The following MOBP variants were observed in gnomAD, a reference collection of about 807,000 sequenced individuals.
The protein encoded by MOBP is myelin-associated oligodendrocyte basic protein.
Under a neutral mutation model 15.0 loss-of-function variants are expected in MOBP, and 5 were observed. The ratio of observed to expected loss-of-function variants is 0.33; its 90% CI spans 0.17 to 0.70. MOBP has a LOEUF of 0.70. MOBP is among the 30% of genes least tolerant of loss of function. MOBP has a pLI of 0.67. For missense variants in MOBP, 188 were observed against 257.8 expected, an observed-to-expected ratio of 0.73 and a Z score of 1.85; for synonymous variants, 88 against 99.0, an observed-to-expected ratio of 0.89 and a Z score of 0.66.
intron 1 of MOBP, among the ~76,000 whole-genome samples, chr3:39,478,362 GCTATACCATATAGT>G (rs992822288): frequency 5.9e-5 from 9 of 152,146 alleles, no homozygotes; most frequent in African/African-American, 1.9e-4. Context: ...GGAGCAATAG[GCTATACCATATAGT>G]CTAGGTGTGT....
chr3:39,496,255 G>C (rs2042879866), intron 2 of MOBP, among the ~76,000 whole-genome samples: 1 of 150,268 alleles, frequency 6.7e-6, no homozygotes, highest in Non-Finnish European at 1.5e-5. Flanking sequence ...CTGGAGTGCA[G>C]TGGCCCGATC....
chr3:39,486,172 G>C (rs2042705364), intron 2 of MOBP, among the ~76,000 whole-genome samples: 1 of 152,186 alleles, frequency 6.6e-6, no homozygotes, highest in African/African-American at 2.4e-5. Flanking sequence ...ATACATTCTA[G>C]TTTACCTTGG....
intron 2 of MOBP, among the ~76,000 whole-genome samples, chr3:39,480,756 G>C (rs995441604): frequency 1.3e-5 from 2 of 152,136 alleles, no homozygotes; most frequent in Non-Finnish European, 2.9e-5. Context: ...TCTCCACTTA[G>C]GTGACTTTAC....
intron 1 of MOBP, among the ~76,000 whole-genome samples, chr3:39,472,801 C>T (rs535254186): frequency 1.4e-4 from 21 of 152,328 alleles, no homozygotes; most frequent in Non-Finnish European, 2.8e-4. Context: ...TGGTGCGTGC[C>T]TACAGTTCCA....
chr3:39,513,369 T>C (rs779469322), intron 4 of MOBP: 2 of 1,613,286 alleles, frequency 1.2e-6, no homozygotes, highest in Admixed American at 3.3e-5. Context: ...TTTCTTTTTC[T>C]CTTTGTAAAC....
At chr3:39,525,092 T>C (rs1023187297), downstream of MOBP, 3 of 152,064 alleles carry the variant, frequency 2.0e-5, no homozygotes, top group Non-Finnish European at 4.4e-5. Flanking sequence ...TAAAAGGGTA[T>C]CCCAAAAATA....
downstream of MOBP, among the ~76,000 whole-genome samples, chr3:39,519,350 A>G (rs989990146): frequency 4.6e-5 from 7 of 152,118 alleles, no homozygotes; most frequent in Non-Finnish European, 7.3e-5. Flanking sequence ...ATCATTAAGG[A>G]TCTCTACTAC....
intron 2 of MOBP, among the ~76,000 whole-genome samples, chr3:39,487,563 G>GC (rs2042733800): frequency 7.9e-6 from 1 of 126,642 alleles, no homozygotes; most frequent in Non-Finnish European, 1.6e-5. Flanking sequence ...TCATTCTGTC[G>GC]CCCAGGCTGG....
At chr3:39,495,021 C>T (rs1330172470) in intron 2 of MOBP, among the ~76,000 whole-genome samples, 1 of 152,122 alleles carries the variant, frequency 6.6e-6, no homozygotes, top group South Asian at 2.1e-4. Flanking sequence ...CAGGAAGTGG[C>T]TTCACCTGTG....
chr3:39,493,725 G>T (rs1306002561), intron 2 of MOBP, among the ~76,000 whole-genome samples: 1 of 152,170 alleles, frequency 6.6e-6, no homozygotes, highest in Non-Finnish European at 1.5e-5. Flanking sequence ...GAACACAAAG[G>T]AAGGAGGTAT....
At chr3:39,491,732 G>A (rs1420986856) in intron 2 of MOBP, among the ~76,000 whole-genome samples, 2 of 152,160 alleles carry the variant, frequency 1.3e-5, no homozygotes, top group Non-Finnish European at 2.9e-5. Flanking sequence ...CAGAGAGAAG[G>A]AGGAAGCAGA....
At chr3:39,468,856 AGT>A (rs1424420818) in intron 1 of MOBP, among the ~76,000 whole-genome samples, 4 of 86,422 alleles carry the variant, frequency 4.6e-5, no homozygotes, top group South Asian at 3.6e-4. Context: ...TATATACATG[AGT>A]GTGTATATAT....
Position 39,512,819 on chromosome 3 carries a change from T to G in MOBP, c.*-564T>G, listed in dbSNP as rs563984407. Among the ~76,000 whole-genome samples the G allele has an allele frequency of 8.5e-5, 13 of 152,326 alleles. No homozygotes were observed. In the South Asian group the frequency reaches 1.7e-3, roughly 19 times the overall value. On this transcript the variant is annotated intron_variant, in intron 4 of 4. Transcript: ENST00000311042. Reference sequence around the variant, plus strand: ...ATAGAGTTCTGCTATCTAAATAAATTAAAGCTGATATCACACAACATTTCA... The same window carrying G: ...ATAGAGTTCTGCTATCTAAATAAATGAAAGCTGATATCACACAACATTTCA...
intron 2 of MOBP, among the ~76,000 whole-genome samples, chr3:39,493,188 C>A (rs912120813): frequency 6.6e-6 from 1 of 152,168 alleles, no homozygotes; most frequent in African/African-American, 2.4e-5. Flanking sequence ...AAAAAATCCA[C>A]TTTATACTCA....
At chr3:39,493,516 G>A (rs2042831565) in intron 2 of MOBP, among the ~76,000 whole-genome samples, 1 of 152,114 alleles carries the variant, frequency 6.6e-6, no homozygotes, top group Admixed American at 6.6e-5. Flanking sequence ...AGCATCTGGG[G>A]ACAGGACATA....
At chr3:39,513,054 T>TTTTTTCCAGGAGTGGGTGTACTTTAA (rs2043140514) in intron 4 of MOBP, among the ~76,000 whole-genome samples, 1 of 152,226 alleles carries the variant, frequency 6.6e-6, no homozygotes, top group African/African-American at 2.4e-5. Context: ...TAGTAAAATA[T>TTTTTTCCAGGAGTGGGTGTACTTTAA]TTTTTCCAGG....
Position 39,502,153 on chromosome 3 carries a change from G to A in MOBP, c.84G>A (p.Pro28=). 1 of 1,614,216 alleles carries A rather than the reference G, an allele frequency of 6.2e-7. No individual in the cohort carries two copies. The highest frequency in any genetic ancestry group is 8.5e-7 in the Non-Finnish European group (1 of 1,180,036). The stretch of plus-strand genomic sequence containing the variant: ...AACACTTCAGCATACACTGCTGCCC[G>A]CCGTTCACCTTCCTCAATTCCAAGA... ...YSEHFSIHCC[P]PFTFLNSKKE... is the part of the protein sequence containing the mutation. Residue 28 remains proline (P), a synonymous_variant, in exon 3 of 4, where the codon CCG becomes CCA. Coordinates refer to ENST00000684792, the MANE Select transcript of MOBP (RefSeq NM_001393704.1). This position sits in a 1 kb window ranked among gnomAD's most constrained non-coding sequence, Gnocchi z 6.3.
At chr3:39,494,592 A>T (rs2042847702) in intron 2 of MOBP, among the ~76,000 whole-genome samples, 2 of 152,130 alleles carry the variant, frequency 1.3e-5, no homozygotes, top group Admixed American at 6.5e-5. Flanking sequence ...GTAAATAAAG[A>T]TGTGATTAAT....
Position 39,502,509 on chromosome 3 carries a change from C to T in MOBP, c.207-26C>T. Reference sequence around the variant, plus strand: ...CAGCAGAGGAGAGCCCTGGCTCCCGCCTCCAGCTTCTTTTGGCCCTCTCAG... The same window carrying T: ...CAGCAGAGGAGAGCCCTGGCTCCCGTCTCCAGCTTCTTTTGGCCCTCTCAG... On this transcript the variant is annotated intron_variant, in intron 3 of 3. Transcript: ENST00000684792. The surrounding 1 kb of genome is among the most constrained non-coding windows in gnomAD (Gnocchi z 6.3). 1 of 1,562,334 alleles carries T rather than the reference C, an allele frequency of 6.4e-7. No individual in the cohort carries two copies. Among genetic ancestry groups the T allele is most frequent in the Non-Finnish European group, 8.6e-7 (1 of 1,162,434 alleles).
Sources: allele counts gnomAD v4.1 joint callset (sites outside exome capture counted in the v4.1 genomes callset), GRCh38; gene constraint gnomAD v4.1.1; non-coding constraint Gnocchi (gnomAD v3.1); transcripts MANE v1.5; gene names NCBI Gene and HGNC (gene_info 2026-07-23, HGNC 2026-07-21).